RASGEF1C: variants seen among roughly 807,000 people sequenced by gnomAD.
RASGEF1C encodes ras-GEF domain-containing family member 1C.
Under a neutral mutation model 58.1 loss-of-function variants are expected in RASGEF1C, and 27 were observed. That is an observed-to-expected ratio of 0.46 (90% CI 0.34 to 0.64). RASGEF1C has a LOEUF of 0.64. Among genes scored for constraint, RASGEF1C ranks in the 30% least tolerant of loss-of-function variants. The pLI, the probability that RASGEF1C is intolerant of heterozygous loss-of-function variation, is 0.01. For missense variants in RASGEF1C, 502 were observed against 605.1 expected (o/e 0.83, Z 1.79); for synonymous variants, 243 against 246.3 (o/e 0.99, Z 0.13).
intron 1 of RASGEF1C, among the ~76,000 whole-genome samples, chr5:180,173,942 C>T (rs550880146): frequency 4.0e-5 from 6 of 150,026 alleles, no homozygotes; most frequent in East Asian, 2.0e-4. Context: ...AAAAAACCTG[C>T]GCAATTTTTC....
intron 1 of RASGEF1C, among the ~76,000 whole-genome samples, chr5:180,162,066 T>G (rs1766952434): frequency 6.6e-6 from 1 of 152,218 alleles, no homozygotes; most frequent in Admixed American, 6.5e-5. Context: ...ATCACTGACC[T>G]TCAGGGTGGC....
chr5:180,190,419 G>A lies in RASGEF1C; in HGVS notation c.-7+18609C>T, dbSNP rs1049940070. ...GCAGGAGAGTGGCGTGAACCTGGGAGGCGGAGCTTGCAGTGAGCTGAGATC... is the reference window on the plus strand; with the variant it reads ...GCAGGAGAGTGGCGTGAACCTGGGAAGCGGAGCTTGCAGTGAGCTGAGATC... On this transcript the variant is annotated intron_variant, in intron 1 of 13. Transcript: ENST00000361132. 2.7e-5 allele frequency among the ~76,000 whole-genome samples: 4 copies of A among 149,812 alleles called. No homozygotes were observed. In the Admixed American group the frequency reaches 2.7e-4, roughly 10 times the overall value.
chr5:180,199,234 A>G (rs1166761208), intron 1 of RASGEF1C, among the ~76,000 whole-genome samples: 1 of 152,190 alleles, frequency 6.6e-6, no homozygotes, highest in Non-Finnish European at 1.5e-5. Flanking sequence ...AGTTTTTAGG[A>G]AAGAGTCTGA....
At chr5:180,154,848 T>TGGGA (rs1477947625) in intron 1 of RASGEF1C, among the ~76,000 whole-genome samples, 1 of 152,164 alleles carries the variant, frequency 6.6e-6, no homozygotes, top group Non-Finnish European at 1.5e-5. Context: ...CCCAAAGGGC[T>TGGGA]GGGATTACAG....
intron 1 of RASGEF1C, among the ~76,000 whole-genome samples, chr5:180,142,217 C>T (rs975022894): frequency 8.6e-5 from 13 of 151,954 alleles, no homozygotes; most frequent in Non-Finnish European, 7.4e-5. Flanking sequence ...ACGTGGGGCT[C>T]GGTGTGTGTG....
intron 1 of RASGEF1C, among the ~76,000 whole-genome samples, chr5:180,171,035 C>T (rs900132154): frequency 2.0e-5 from 3 of 152,170 alleles, no homozygotes; most frequent in Admixed American, 6.5e-5. Flanking sequence ...GGTCAGAAGA[C>T]GCGGCCGGAG....
intron 1 of RASGEF1C, among the ~76,000 whole-genome samples, chr5:180,157,489 T>C (rs1481266795): frequency 6.6e-6 from 1 of 150,908 alleles, no homozygotes; most frequent in African/African-American, 2.4e-5. Flanking sequence ...TAGCCGGGCA[T>C]GGTGGCGCAT....
Position 180,143,168 on chromosome 5 carries a change from A to G in RASGEF1C, c.-6-5110T>C, listed in dbSNP as rs1157661601. Among the ~76,000 whole-genome samples, 3 of 152,184 alleles carry G rather than the reference A, an allele frequency of 2.0e-5. No homozygotes were observed. The East Asian group carries it at 5.8e-4, about 29-fold the overall frequency. On this transcript the variant is annotated intron_variant, in intron 1 of 13. Coordinates refer to ENST00000361132, the MANE Select transcript of RASGEF1C (RefSeq NM_175062.4). This position sits in a 1 kb window ranked among gnomAD's most constrained non-coding sequence, Gnocchi z 4.3. ...CTGCAGAGAGACAGGCAGACAGGGG[A>G]CAGGATCCCACGTGCCACCCTGCAG...
chr5:180,113,248 C>A (rs190482564), intron 11 of RASGEF1C, among the ~76,000 whole-genome samples: 4 of 44,134 alleles, frequency 9.1e-5, no homozygotes, highest in South Asian at 1.9e-3. Context: ...ACGGAGGGAC[C>A]GAGGATGGAC....
At chr5:180,205,018 G>A (rs566590064) in intron 1 of RASGEF1C, among the ~76,000 whole-genome samples, 228 of 152,074 alleles carry the variant, frequency 1.5e-3, no homozygotes, top group Non-Finnish European at 2.6e-3. Context: ...GCAAAACCCC[G>A]TCTCTACTAA....
intron 1 of RASGEF1C, among the ~76,000 whole-genome samples, chr5:180,164,123 T>G (rs919140358): frequency 2.0e-5 from 3 of 152,224 alleles, no homozygotes; most frequent in African/African-American, 4.8e-5. Flanking sequence ...TTTTGTTCTT[T>G]GTCAGTATCG....
chr5:180,178,044 G>A (rs1167578123), intron 1 of RASGEF1C, among the ~76,000 whole-genome samples: 2 of 151,212 alleles, frequency 1.3e-5, no homozygotes, highest in Non-Finnish European at 2.9e-5. Context: ...TCGGCTCACC[G>A]CAACTTTCGC....
chr5:180,119,016 C>T, intron 8 of RASGEF1C, 150 bp from the exon 9 acceptor site: 4 of 722,020 alleles, frequency 5.5e-6, no homozygotes, highest in Non-Finnish European at 9.6e-6. Flanking sequence ...TGCTGGTGGA[C>T]ATCATGGTCA....
intron 1 of RASGEF1C, among the ~76,000 whole-genome samples, chr5:180,206,252 T>A (rs1756485943): frequency 6.6e-6 from 1 of 152,194 alleles, no homozygotes; most frequent in African/African-American, 2.4e-5. Flanking sequence ...TAGAAAAAGA[T>A]TAAATTGGAT....
intron 3 of RASGEF1C, chr5:180,136,764 G>C: frequency 1.9e-6 from 1 of 513,600 alleles, no homozygotes; most frequent in South Asian, 2.4e-5. Flanking sequence ...CCTCCCTGGT[G>C]AGTCTTCGCG....
At chr5:180,160,351 C>T (rs1766920090) in intron 1 of RASGEF1C, among the ~76,000 whole-genome samples, 1 of 152,208 alleles carries the variant, frequency 6.6e-6, no homozygotes, top group Non-Finnish European at 1.5e-5. Flanking sequence ...ACACCCTCTG[C>T]TCCAGGTGCC....
At chr5:180,202,475 A>C (rs1299725417) in intron 1 of RASGEF1C, among the ~76,000 whole-genome samples, 1 of 152,198 alleles carries the variant, frequency 6.6e-6, no homozygotes, top group Admixed American at 6.5e-5. Flanking sequence ...AAAGAAAAAA[A>C]ATTCTTTGGA....
At chr5:180,165,818 C>T (rs1421498945) in intron 1 of RASGEF1C, among the ~76,000 whole-genome samples, 2 of 126,720 alleles carry the variant, frequency 1.6e-5, no homozygotes, top group African/African-American at 5.9e-5. Flanking sequence ...GGTGTGATCT[C>T]GGCTCACTGC....
rs764843069 is a variant in RASGEF1C, at chr5:180,121,015, G to A, written c.804+45C>T. 9 of 1,447,474 alleles carry A rather than the reference G, an allele frequency of 6.2e-6. No individual in the cohort carries two copies. The East Asian group carries it at 6.8e-5, about 11-fold the overall frequency. The allele number at this position is 1,447,474 out of a possible 1,614,324, so 89.7% of individuals were successfully genotyped here. ...CCGTGGGCTCCTCCCAACTCCGGCC[G>A]CCTGGGGCTATGCCAGGTGGTGCCC... On this transcript the variant is annotated intron_variant, in intron 7 of 13. Transcript: ENST00000361132.
Sources: allele counts gnomAD v4.1 joint callset (sites outside exome capture counted in the v4.1 genomes callset), GRCh38; gene constraint gnomAD v4.1.1; non-coding constraint Gnocchi (gnomAD v3.1); transcripts MANE v1.5; gene names NCBI Gene and HGNC (gene_info 2026-07-23, HGNC 2026-07-21).